SEL1L2: variants seen among roughly 807,000 people sequenced by gnomAD.
The protein encoded by SEL1L2 is protein sel-1 homolog 2.
SEL1L2 carries 89 observed loss-of-function variants against 98.8 expected under a neutral mutation model. The observed-to-expected ratio is 0.90, with a 90% CI of 0.76 to 1.07. The LOEUF is 1.07. Among genes scored for constraint, SEL1L2 ranks in the 50% least tolerant of loss-of-function variants. The pLI, the probability that SEL1L2 is intolerant of heterozygous loss-of-function variation, is 0.00. For missense variants in SEL1L2, 788 were observed against 812.0 expected, an observed-to-expected ratio of 0.97 and a Z score of 0.36; for synonymous variants, 262 against 278.5, an observed-to-expected ratio of 0.94 and a Z score of 0.59.
At chr20:13,922,665 CT>C in intron 3 of SEL1L2, among the ~76,000 whole-genome samples, 1 of 152,126 alleles carries the variant, frequency 6.6e-6, no homozygotes. Flanking sequence ...ATGAAAGCAC[CT>C]GATTTTTAGT....
chr20:13,908,582 T>C (rs895434394), intron 5 of SEL1L2, among the ~76,000 whole-genome samples: 1 of 152,224 alleles, frequency 6.6e-6, no homozygotes, highest in South Asian at 2.1e-4. Context: ...TAGAAAAATA[T>C]ATAACTTATC....
At chr20:13,990,681 G>A, upstream of SEL1L2, 1 of 610,052 alleles carries the variant, frequency 1.6e-6, no homozygotes, top group South Asian at 2.1e-5. Context: ...GGCTGCCAGA[G>A]TGTTCCTTTC....
chr20:13,977,483 T>G (rs2051597132), intron 1 of SEL1L2, among the ~76,000 whole-genome samples: 1 of 152,088 alleles, frequency 6.6e-6, no homozygotes, highest in South Asian at 2.1e-4. Context: ...TTTCAATTGA[T>G]GGGGGGATAG....
Position 13,939,040 on chromosome 20 carries a change from G to GGTTT in SEL1L2, c.115-7270_115-7269insAAAC. Among the ~76,000 whole-genome samples the GGTTT allele has an allele frequency of 1.4e-4, 16 of 114,072 alleles. 1 individual carries two copies. The highest frequency in any genetic ancestry group is 2.9e-4 in the South Asian group (1 of 3,494). 74.8% of individuals were successfully genotyped at this position (114,072 alleles called of 152,430 possible). A position where few individuals can be genotyped will look rare whatever the true frequency, so the allele number is the denominator to read the frequency against. ...TCTTTTTGGTTTGTTTGCTTGTTTT[G>GGTTT]TTTTTTTTTTTTTTTTTTTCTGAGA... On this transcript the variant is annotated intron_variant, in intron 2 of 19. Transcript: ENST00000284951.
At chr20:13,858,275 C>T (rs548214456) in intron 18 of SEL1L2, among the ~76,000 whole-genome samples, 5 of 152,052 alleles carry the variant, frequency 3.3e-5, no homozygotes, top group African/African-American at 2.4e-5. Context: ...ATAGGAAAGC[C>T]GATAATTCCC....
At chr20:13,930,989 G>A (rs918077160) in intron 3 of SEL1L2, among the ~76,000 whole-genome samples, 1 of 151,792 alleles carries the variant, frequency 6.6e-6, no homozygotes, top group East Asian at 2.0e-4. Context: ...AACATTAGTT[G>A]GGCCTGGTGG....
At position 13,865,392 on chromosome 20, in the gene SEL1L2, C is replaced by G; in HGVS notation, c.1527G>C (p.Gly509=). The change falls in exon 16 of 20, where the codon GGG becomes GGC. Residue 509 remains glycine, a synonymous_variant. Transcript: ENST00000284951. The stretch of plus-strand genomic sequence containing the variant: ...CTGAATTGCTTTGAGCTACTTCATA[C>G]CCCATTTCTGCAAGCAGTGCATACT... ...LVQYALLAEM[G]YEVAQSNSAF... The G allele has an allele frequency of 5.6e-6, 9 of 1,614,028 alleles. No individual in the cohort carries two copies. Among genetic ancestry groups the G allele is most frequent in the Non-Finnish European group, 7.6e-6 (9 of 1,179,964 alleles).
chr20:13,913,457 T>C, intron 5 of SEL1L2: 1 of 178,602 alleles, frequency 5.6e-6, no homozygotes, highest in African/African-American at 2.3e-5. Context: ...ATGGAACGCA[T>C]TTATTAAAAT....
chr20:13,994,909 A>T (rs2052605456), upstream of SEL1L2: 1 of 152,232 alleles, frequency 6.6e-6, no homozygotes, highest in South Asian at 2.1e-4. Flanking sequence ...TGAAATTTGT[A>T]ATTTTCACTA....
intron 5 of SEL1L2, among the ~76,000 whole-genome samples, chr20:13,896,733 C>T (rs1568923546): frequency 6.6e-6 from 1 of 152,062 alleles, no homozygotes; most frequent in Non-Finnish European, 1.5e-5. Flanking sequence ...GAAATCACTA[C>T]AAAACATTGC....
At chr20:13,858,717 A>G (rs547664955) in intron 18 of SEL1L2, among the ~76,000 whole-genome samples, 2 of 152,194 alleles carry the variant, frequency 1.3e-5, no homozygotes, top group Admixed American at 6.5e-5. Flanking sequence ...CTAAGTGAAT[A>G]TGACTCATCG....
chr20:13,861,919 A>G (rs1422692664), intron 17 of SEL1L2, among the ~76,000 whole-genome samples: 1 of 152,126 alleles, frequency 6.6e-6, no homozygotes, highest in Admixed American at 6.5e-5. Context: ...GCCGTCTCCG[A>G]CTACCTTGTC....
chr20:13,885,341 A>C lies in SEL1L2; in HGVS notation c.957+6T>G. The C allele has an allele frequency of 6.3e-7, 1 of 1,579,108 alleles. No individual in the cohort carries two copies. The highest frequency in any genetic ancestry group is 8.7e-7 in the Non-Finnish European group (1 of 1,148,332). ...CCCATTTGACTGGATCTTGAGATTG[A>C]CTTACGTAGTAATCCTGATCTAGAC... On this transcript the variant is annotated splice_donor_region_variant and intron_variant, in intron 10 of 19. Transcript: ENST00000284951.
Position 13,850,234 on chromosome 20 carries a change from T to C in SEL1L2, c.1904A>G (p.Lys635Arg), listed in dbSNP as rs778109667. The change falls in exon 19 of 20, where the codon AAA (lysine) becomes AGA (arginine). Residue 635 changes from lysine to arginine, a missense_variant. By Grantham distance (26) the Lys-to-Arg change is conservative. Coordinates refer to ENST00000284951, the MANE Select transcript of SEL1L2 (RefSeq NM_025229.2). ...AHIPVLFAVM[K>R]LETTHLLRDI... ...CCGGAGCAAATGCGTAGTTTCCAGT[T>C]TCATGACGGCAAAGAGCACAGGTAT... is the stretch of plus-strand genomic sequence containing the variant. The C allele has an allele frequency of 6.2e-6, 10 of 1,614,034 alleles. 1 individual carries two copies. In the East Asian group the frequency reaches 2.2e-4, roughly 36 times the overall value.
At chr20:13,872,510 C>CA (rs1237744930) in intron 12 of SEL1L2, among the ~76,000 whole-genome samples, 20 of 152,112 alleles carry the variant, frequency 1.3e-4, no homozygotes, top group Non-Finnish European at 2.9e-4. Flanking sequence ...GCCTCCCCAG[C>CA]AATGCTGAAC....
chr20:13,911,799 GA>G (rs911319862), intron 5 of SEL1L2, among the ~76,000 whole-genome samples: 18 of 152,066 alleles, frequency 1.2e-4, no homozygotes, highest in Non-Finnish European at 2.5e-4. Context: ...TGGAGTCTTA[GA>G]AAATATTCCA....
intron 1 of SEL1L2, among the ~76,000 whole-genome samples, chr20:13,975,612 T>C (rs918144384): frequency 6.6e-6 from 1 of 152,210 alleles, no homozygotes; most frequent in Non-Finnish European, 1.5e-5. Flanking sequence ...TTTTACAAAG[T>C]ATAGCATTAC....
chr20:13,988,926 C>T (rs987309235), intron 1 of SEL1L2, among the ~76,000 whole-genome samples: 5 of 152,084 alleles, frequency 3.3e-5, no homozygotes, highest in Non-Finnish European at 2.9e-5. Flanking sequence ...GGCAGGAGAA[C>T]GGCTTGAACC....
At chr20:13,983,206 AGG>A (rs2051951001) in intron 1 of SEL1L2, among the ~76,000 whole-genome samples, 1 of 151,898 alleles carries the variant, frequency 6.6e-6, no homozygotes, top group African/African-American at 2.4e-5. Context: ...ATTTACCAAA[AGG>A]GAAATAACTC....
Sources: gnomAD v4.1 joint callset for allele counts (sites outside exome capture counted in the v4.1 genomes callset) on GRCh38, gnomAD v4.1.1 for gene constraint, MANE v1.5 for transcripts, NCBI Gene and HGNC (gene_info 2026-07-23, HGNC 2026-07-21) for gene names.